The following DNAH17 variants were observed in gnomAD, a reference collection of about 807,000 sequenced individuals.
DNAH17 encodes axonemal beta dynein heavy chain 17.
A neutral mutation model predicts 485.6 loss-of-function variants in DNAH17; 376 were observed. The observed-to-expected ratio is 0.77, with a 90% confidence interval of 0.71 to 0.84. DNAH17 has a LOEUF of 0.84. Ranked by LOEUF, DNAH17 falls within the 40% of genes least tolerant of loss-of-function variation. DNAH17 has a pLI of 0.00. For missense variants in DNAH17, 6,370 were observed against 5,839.3 expected (o/e 1.09, Z -2.96); for synonymous variants, 3,031 against 2,405.9 (o/e 1.26, Z -7.60).
At chr17:78,539,547 G>A (rs2091465808) in intron 18 of DNAH17, among the ~76,000 whole-genome samples, 190 bp downstream of exon 18, 1 of 152,190 alleles carries the variant, frequency 6.6e-6, no homozygotes, top group Non-Finnish European at 1.5e-5. Context: ...GGTCCTGAGT[G>A]CCTGGGACTG....
intron 43 of DNAH17, 126 bp from the exon 44 acceptor site, chr17:78,490,973 C>T: frequency 1.6e-6 from 2 of 1,221,512 alleles, no homozygotes; most frequent in Non-Finnish European, 2.2e-6. Context: ...AGCCCTGCCA[C>T]CCCTGGCCCA....
chr17:78,533,676 T>C (rs973615299), intron 19 of DNAH17, among the ~76,000 whole-genome samples: 2 of 152,202 alleles, frequency 1.3e-5, no homozygotes, highest in African/African-American at 2.4e-5. Flanking sequence ...CTGCATCTTA[T>C]GAAATTTTGA....
intron 29 of DNAH17, among the ~76,000 whole-genome samples, 184 bp from the exon 30 acceptor site, chr17:78,507,030 G>C (rs747022414): frequency 6.6e-6 from 1 of 152,112 alleles, no homozygotes; most frequent in Non-Finnish European, 1.5e-5. Context: ...TGACCTTGTG[G>C]GCACTCCTAG....
chr17:78,449,857 G>A, intron 68 of DNAH17: 3 of 445,748 alleles, frequency 6.7e-6, no homozygotes, highest in Non-Finnish European at 1.2e-5. Flanking sequence ...TTTATTTTTA[G>A]TACAGACAGG....
At chr17:78,482,568 AC>A (rs1403560494) in intron 48 of DNAH17, among the ~76,000 whole-genome samples, 1 of 152,020 alleles carries the variant, frequency 6.6e-6, no homozygotes, top group Non-Finnish European at 1.5e-5. Context: ...TGCCTCTGAA[AC>A]TTTTGCCTGC....
intron 52 of DNAH17, 105 bp from the exon 53 acceptor site, chr17:78,475,938 C>T: frequency 7.7e-7 from 1 of 1,306,672 alleles, no homozygotes; most frequent in Non-Finnish European, 1.0e-6. Context: ...AGGAGGTCAC[C>T]ACGGGGTCCC....
At chr17:78,526,603 G>C (rs1328073158) in intron 24 of DNAH17, 48 bp downstream of exon 24, 8 of 1,465,758 alleles carry the variant, frequency 5.5e-6, no homozygotes, top group Non-Finnish European at 6.5e-6. Flanking sequence ...AAAGAAAGCA[G>C]TGGGGTTCCC....
chr17:78,543,787 C>A (rs1011494955), intron 17 of DNAH17, 70 bp downstream of exon 17: 6 of 1,604,598 alleles, frequency 3.7e-6, no homozygotes, highest in Non-Finnish European at 5.1e-6. Context: ...AATCTCCAGC[C>A]CTGGGTTTAC....
chr17:78,468,414 C>T (rs2088587208), intron 55 of DNAH17, among the ~76,000 whole-genome samples: 1 of 152,044 alleles, frequency 6.6e-6, no homozygotes, highest in Non-Finnish European at 1.5e-5. Flanking sequence ...TTCTTTTGGC[C>T]CCAAGATACC....
rs200566911 is a variant in DNAH17, at chr17:78,495,923, C to A, written c.5855G>T (p.Gly1952Val). Reference sequence around the variant, plus strand: ...AGGCAGCTCCGCGCGTCCGGCGTACCCAGGGTTCATGGTGATGAAGATACC... The same window carrying A: ...AGGCAGCTCCGCGCGTCCGGCGTACACAGGGTTCATGGTGATGAAGATACC... ...TVGIFITMNP[G>V]YAGRAELPEN... The change falls in exon 38 of 81, where the codon GGG (glycine) becomes GTG (valine). Residue 1952 changes from glycine (G) to valine (V), a missense_variant. Gly to Val is a moderately radical substitution (Grantham distance 109). Coordinates refer to ENST00000389840, the MANE Select transcript of DNAH17 (RefSeq NM_173628.4). The A allele has an allele frequency of 8.1e-5, 131 of 1,613,790 alleles. No individual in the cohort carries two copies. The highest frequency in any genetic ancestry group is 5.0e-5 in the Non-Finnish European group (59 of 1,179,848).
At chr17:78,558,979 C>G (rs2092092483) in intron 13 of DNAH17, among the ~76,000 whole-genome samples, 2 of 152,340 alleles carry the variant, frequency 1.3e-5, no homozygotes, top group South Asian at 4.1e-4. Context: ...TTCCAGGACA[C>G]TAGACATTCC....
At chr17:78,515,054 C>G (rs753321936) in intron 25 of DNAH17, 32 bp from the exon 26 acceptor site, 1 of 1,610,680 alleles carries the variant, frequency 6.2e-7, no homozygotes, top group Non-Finnish European at 8.5e-7. Context: ...TCTCCTTCCA[C>G]TCTCATCAAG....
At chr17:78,475,064 G>T (rs1013488693) in intron 54 of DNAH17, among the ~76,000 whole-genome samples, 44 of 150,664 alleles carry the variant, frequency 2.9e-4, no homozygotes, top group African/African-American at 1.0e-3. Context: ...GGGCTGGAAG[G>T]TTTCACACTC....
At chr17:78,537,703 C>T (rs1336294783) in intron 18 of DNAH17, among the ~76,000 whole-genome samples, 4 of 152,186 alleles carry the variant, frequency 2.6e-5, no homozygotes, top group Non-Finnish European at 5.9e-5. Flanking sequence ...CAGGTTGGGG[C>T]AAGGGGAGGG....
At chr17:78,539,494 T>C (rs1297976769) in intron 18 of DNAH17, among the ~76,000 whole-genome samples, 2 of 152,198 alleles carry the variant, frequency 1.3e-5, no homozygotes, top group Non-Finnish European at 2.9e-5. Flanking sequence ...TCTTGAGGTT[T>C]TCTGCAGCCA....
At chr17:78,547,550 G>C (rs185713116) in intron 16 of DNAH17, among the ~76,000 whole-genome samples, 1 of 151,990 alleles carries the variant, frequency 6.6e-6, no homozygotes, top group African/African-American at 2.4e-5. Flanking sequence ...CCACACTCAG[G>C]CCTTCCTTTA....
chr17:78,561,519 T>G (rs557875597), intron 12 of DNAH17, among the ~76,000 whole-genome samples, 196 bp downstream of exon 12: 7 of 152,054 alleles, frequency 4.6e-5, no homozygotes, highest in African/African-American at 1.7e-4. Flanking sequence ...CCAGCCAGAT[T>G]TCTCCTGAGC....
At chr17:78,451,085 G>A (rs951386845) in intron 66 of DNAH17, among the ~76,000 whole-genome samples, 4 of 152,170 alleles carry the variant, frequency 2.6e-5, no homozygotes, top group South Asian at 2.1e-4. Flanking sequence ...GGGGACAGGC[G>A]GGCCTGGGCC....
chr17:78,451,851 G>A (rs941096626), intron 65 of DNAH17, among the ~76,000 whole-genome samples, 178 bp from the exon 66 acceptor site: 3 of 152,048 alleles, frequency 2.0e-5, no homozygotes, highest in Non-Finnish European at 2.9e-5. Flanking sequence ...GGCCTGTGAC[G>A]TGGGCCCTTC....
Sources: gnomAD v4.1 joint callset for allele counts (sites outside exome capture counted in the v4.1 genomes callset) on GRCh38, gnomAD v4.1.1 for gene constraint, MANE v1.5 for transcripts, NCBI Gene and HGNC (gene_info 2026-07-23, HGNC 2026-07-21) for gene names.